Variants in VPS13B observed in about 807,000 individuals in gnomAD.
VPS13B encodes the protein vacuolar protein sorting 13 homolog B, also known as intermembrane lipid transfer protein VPS13B.
A neutral mutation model predicts 426.4 loss-of-function variants in VPS13B; 285 were observed. That is an observed-to-expected ratio of 0.67 (90% CI 0.61 to 0.74). The LOEUF is 0.74. VPS13B is among the 30% of genes least tolerant of loss of function. VPS13B has a pLI of 0.00. For missense variants in VPS13B, 4,537 were observed against 4,782.6 expected, an observed-to-expected ratio of 0.95 and a Z score of 1.51; for synonymous variants, 1,676 against 1,676.4, an observed-to-expected ratio of 1.00 and a Z score of 0.01.
intron 31 of VPS13B, among the ~76,000 whole-genome samples, chr8:99,575,302 A>G (rs1478553082): frequency 1.3e-5 from 2 of 152,366 alleles, no homozygotes; most frequent in East Asian, 3.9e-4. Flanking sequence ...AAAATAGGAA[A>G]TGAAAAATTA....
intron 39 of VPS13B, among the ~76,000 whole-genome samples, chr8:99,725,994 G>T (rs1266412292): frequency 6.6e-6 from 1 of 152,092 alleles, no homozygotes; most frequent in Non-Finnish European, 1.5e-5. Flanking sequence ...CTTAAAAATT[G>T]GCCTTATAGA....
chr8:99,271,882 T>C (rs11986652), intron 17 of VPS13B, among the ~76,000 whole-genome samples: 9,682 of 152,290 alleles, frequency 0.064, 333 homozygotes, highest in South Asian at 0.092. Context: ...ACCTTGGGAT[T>C]ATAATTCAAC....
At chr8:99,042,922 T>C (rs182510336) in intron 3 of VPS13B, among the ~76,000 whole-genome samples, 1 of 152,328 alleles carries the variant, frequency 6.6e-6, no homozygotes, top group Admixed American at 6.5e-5. Flanking sequence ...TTTATTTTTG[T>C]TTTTCTACAA....
chr8:99,142,974 G>T lies in VPS13B; in HGVS notation c.1652G>T (p.Gly551Val), dbSNP rs773237489. The T allele has an allele frequency of 1.2e-6, 2 of 1,612,540 alleles. No individual in the cohort carries two copies. The highest frequency in any genetic ancestry group is 2.2e-5 in the East Asian group (1 of 44,786). ...AAATATAAAATTTGACTTCTTTTAG[G>T]TTCCACAAATCAACAAGACTTTTCT... The part of the protein sequence containing the change: ...LYTMENTSGK[G>V]STNQQDFSSG... Residue 551 changes from glycine to valine, a missense_variant and splice_region_variant, in exon 13 of 62, where the codon GGT becomes GTT. Transcript: ENST00000357162.
intron 19 of VPS13B, among the ~76,000 whole-genome samples, chr8:99,295,430 T>G (rs1234569728): frequency 6.6e-6 from 1 of 152,158 alleles, no homozygotes; most frequent in African/African-American, 2.4e-5. Flanking sequence ...ACAGAACATA[T>G]ATGTATGTAT....
In VPS13B at chr8:99,856,094, G is replaced by A. The variant is rs545074519; in HGVS notation, c.10867+1838G>A. Among the ~76,000 whole-genome samples the A allele has an allele frequency of 3.9e-5, 6 of 152,294 alleles. No individual in the cohort carries two copies. In the South Asian group the frequency reaches 1.0e-3, roughly 26 times the overall value. ...AACTCTACCTGTGGCACCAAGTAAC[G>A]GGCCCTGCAGCCCGTGTGCTAAAAA... On this transcript the variant is annotated intron_variant, in intron 56 of 61. Transcript: ENST00000357162.
rs118041474 is a variant in VPS13B at position 99,481,205 on chromosome 8, T to A, written c.3667-394T>A. Reference sequence around the variant, plus strand: ...TCAAGAAATCACAGAGAAAATTAGATGTGGAAATTAAGATGGTAGTTATTT... The same window carrying A: ...TCAAGAAATCACAGAGAAAATTAGAAGTGGAAATTAAGATGGTAGTTATTT... On this transcript the variant is annotated intron_variant, in intron 24 of 61. Transcript: ENST00000357162. 3.3e-5 allele frequency among the ~76,000 whole-genome samples: 5 copies of A among 152,324 alleles called. No homozygotes were observed. The East Asian group carries it at 9.6e-4, about 29-fold the overall frequency.
chr8:99,733,460 G>A (rs1049883461), intron 39 of VPS13B, among the ~76,000 whole-genome samples: 113 of 152,274 alleles, frequency 7.4e-4, no homozygotes, highest in African/African-American at 2.6e-3. Flanking sequence ...GTTGTTAGGA[G>A]GAATAAATGA....
At chr8:99,509,353 CTAT>C (rs1821664417) in intron 28 of VPS13B, among the ~76,000 whole-genome samples, 1 of 151,574 alleles carries the variant, frequency 6.6e-6, no homozygotes, top group Non-Finnish European at 1.5e-5. Context: ...TGAGAGCAGG[CTAT>C]TATTGGGAAA....
intron 35 of VPS13B, among the ~76,000 whole-genome samples, chr8:99,675,365 C>T (rs1199241569): frequency 3.3e-5 from 5 of 152,118 alleles, no homozygotes; most frequent in Admixed American, 3.3e-4. Context: ...CTTCTTGCTG[C>T]TTTCAGGATC....
At chr8:99,125,828 T>A (rs7842393) in intron 8 of VPS13B, among the ~76,000 whole-genome samples, 14 of 152,068 alleles carry the variant, frequency 9.2e-5, no homozygotes, top group African/African-American at 2.7e-4. Flanking sequence ...AAATGGTAGT[T>A]GAGTAATTGT....
intron 16 of VPS13B, among the ~76,000 whole-genome samples, chr8:99,173,435 A>G (rs1397484428): frequency 6.6e-6 from 1 of 152,192 alleles, no homozygotes; most frequent in Non-Finnish European, 1.5e-5. Context: ...TATCAACACA[A>G]TAAGTAACCT....
chr8:99,277,751 G>A (rs1818971732), intron 19 of VPS13B, among the ~76,000 whole-genome samples: 2 of 151,880 alleles, frequency 1.3e-5, no homozygotes, highest in Admixed American at 1.3e-4. Context: ...GATTTATATT[G>A]TTGATTGTTT....
At chr8:99,763,063 G>A (rs970448937) in intron 39 of VPS13B, among the ~76,000 whole-genome samples, 2 of 136,880 alleles carry the variant, frequency 1.5e-5, no homozygotes, top group Non-Finnish European at 3.1e-5. Flanking sequence ...TTGAGCCAGG[G>A]ATATCAAGGC....
intron 34 of VPS13B, among the ~76,000 whole-genome samples, chr8:99,650,890 A>G (rs78882278): frequency 6.6e-6 from 1 of 152,186 alleles, no homozygotes; most frequent in African/African-American, 2.4e-5. Context: ...TTTACAGGAC[A>G]TGTACAGACT....
At chr8:99,379,472 CT>C (rs1813677032) in intron 19 of VPS13B, among the ~76,000 whole-genome samples, 1 of 152,028 alleles carries the variant, frequency 6.6e-6, no homozygotes, top group Non-Finnish European at 1.5e-5. Flanking sequence ...AATAACATAG[CT>C]TTTCTTGGTT....
chr8:99,396,854 A>G (rs1321331296), intron 21 of VPS13B, among the ~76,000 whole-genome samples: 1 of 152,148 alleles, frequency 6.6e-6, no homozygotes, highest in Non-Finnish European at 1.5e-5. Context: ...TACTGTTGGT[A>G]TATATTTTTT....
At chr8:99,157,616 A>G (rs1811430954) in intron 15 of VPS13B, among the ~76,000 whole-genome samples, 1 of 152,180 alleles carries the variant, frequency 6.6e-6, no homozygotes, top group Non-Finnish European at 1.5e-5. Flanking sequence ...AGTTAGGCCA[A>G]TTAATAGCCC....
intron 34 of VPS13B, among the ~76,000 whole-genome samples, chr8:99,647,807 G>A (rs1420621069): frequency 6.6e-6 from 1 of 152,032 alleles, no homozygotes; most frequent in Non-Finnish European, 1.5e-5. Context: ...ATTGTCACTC[G>A]ATCATGGGCA....
Sources: gnomAD v4.1 joint callset for allele counts (sites outside exome capture counted in the v4.1 genomes callset) on GRCh38, gnomAD v4.1.1 for gene constraint, MANE v1.5 for transcripts, NCBI Gene and HGNC (gene_info 2026-07-23, HGNC 2026-07-21) for gene names.